The following INPP4B variants were observed in gnomAD, a reference collection of about 807,000 sequenced individuals.
INPP4B encodes the protein inositol polyphosphate 4-phosphatase type II.
In INPP4B, 55 loss-of-function variants were observed where a neutral mutation model predicts 122.5. That is an observed-to-expected ratio of 0.45 (90% CI 0.36 to 0.56). The LOEUF (loss-of-function observed/expected upper bound fraction) is 0.56. Ranked by LOEUF, INPP4B falls within the 20% of genes least tolerant of loss-of-function variation. The pLI is 0.00. For synonymous variants in INPP4B, 403 were observed against 388.7 expected (o/e 1.04, Z -0.43); for missense variants, 1,000 against 1,097.7 (o/e 0.91, Z 1.26).
chr4:142,257,661 T>C (rs1324935309), intron 11 of INPP4B, among the ~76,000 whole-genome samples: 1 of 152,128 alleles, frequency 6.6e-6, no homozygotes, highest in African/African-American at 2.4e-5. Flanking sequence ...ATGTGAAGGA[T>C]TTCTTCAAGG....
At chr4:142,288,327 G>A (rs1034197350) in intron 9 of INPP4B, among the ~76,000 whole-genome samples, 7 of 152,356 alleles carry the variant, frequency 4.6e-5, no homozygotes, top group East Asian at 3.9e-4. Context: ...GCTCACGCCT[G>A]TAATCCCAGC....
rs200327044 is a variant in INPP4B at position 142,270,695 on chromosome 4, C to G, written c.583G>C (p.Asp195His). ...KMGEIEDGEA[D>H]HITTDVQGQK... is the part of the protein sequence containing the mutation. ...CCCTGTACATCTGTGGTGATGTGGT[C>G]GGCTTCCCCATCCTCAATCTCCCCC... Residue 195 changes from aspartate (D) to histidine (H), a missense_variant, in exon 10 of 26, where the codon GAC (aspartate) becomes CAC (histidine). Asp to His is a moderately conservative substitution (Grantham distance 81, BLOSUM62 -1). Transcript: ENST00000262992. 1 of 1,612,504 alleles carries G rather than the reference C, an allele frequency of 6.2e-7. No individual in the cohort carries two copies. Among genetic ancestry groups the G allele is most frequent in the Non-Finnish European group, 8.5e-7 (1 of 1,178,630 alleles).
At chr4:142,799,443 T>C (rs368080650) in intron 1 of INPP4B, among the ~76,000 whole-genome samples, 3 of 152,048 alleles carry the variant, frequency 2.0e-5, no homozygotes. Context: ...ATCTCAATTA[T>C]TTAACATAGC....
chr4:142,123,222 G>C lies in INPP4B; in HGVS notation c.2017+70C>G. The C allele has an allele frequency of 2.3e-6, 3 of 1,309,232 alleles. 1 individual carries two copies. The South Asian group carries it at 5.1e-5, about 22-fold the overall frequency. 81.1% of individuals were successfully genotyped at this position (1,309,232 alleles called of 1,614,324 possible). On this transcript the variant is annotated intron_variant, in intron 20 of 25. Coordinates refer to ENST00000262992, the MANE Select transcript of INPP4B (RefSeq NM_001101669.3). Reference sequence around the variant, plus strand: ...GGTTTACTTATTTTTATGTTTTCTTGAAAAATTTCTGGATTAAATGTCCTT... The same window carrying C: ...GGTTTACTTATTTTTATGTTTTCTTCAAAAATTTCTGGATTAAATGTCCTT...
intron 8 of INPP4B, among the ~76,000 whole-genome samples, chr4:142,312,671 CCTGGAGTCAT>C (rs953993062): frequency 1.3e-5 from 2 of 152,128 alleles, no homozygotes; most frequent in African/African-American, 4.8e-5. Context: ...AAGTGGCTGA[CCTGGAGTCAT>C]GTGCTTGAAT....
chr4:142,529,195 T>C (rs1258765834), intron 2 of INPP4B, among the ~76,000 whole-genome samples: 1 of 152,110 alleles, frequency 6.6e-6, no homozygotes, highest in South Asian at 2.1e-4. Context: ...GTGGATCTGA[T>C]ATAACAATAT....
chr4:142,545,484 A>G (rs1280940237), intron 2 of INPP4B, among the ~76,000 whole-genome samples: 1 of 152,072 alleles, frequency 6.6e-6, no homozygotes, highest in African/African-American at 2.4e-5. Context: ...ACCAATATCT[A>G]TGATAACCAA....
chr4:142,657,754 T>C (rs1478569643), intron 2 of INPP4B, among the ~76,000 whole-genome samples: 1 of 152,218 alleles, frequency 6.6e-6, no homozygotes, highest in African/African-American at 2.4e-5. Flanking sequence ...TTTTTGCTGC[T>C]TTAAAATTTC....
intron 1 of INPP4B, among the ~76,000 whole-genome samples, chr4:142,740,741 T>C (rs912236069): frequency 6.6e-6 from 1 of 151,996 alleles, no homozygotes; most frequent in Non-Finnish European, 1.5e-5. Context: ...TTTGTGACAT[T>C]TCTGGCTTGG....
intron 2 of INPP4B, among the ~76,000 whole-genome samples, chr4:142,649,677 A>G (rs1250115978): frequency 6.6e-6 from 1 of 152,252 alleles, no homozygotes; most frequent in Non-Finnish European, 1.5e-5. Context: ...AAAAGAGTAA[A>G]AAGAAATGAA....
At chr4:142,257,683 C>G (rs76982399) in intron 11 of INPP4B, among the ~76,000 whole-genome samples, 122,733 of 152,104 alleles carry the variant, frequency 0.81, 49,894 homozygotes, top group East Asian at 0.93. Flanking sequence ...GAACTACAAA[C>G]CACTGCTCAA....
chr4:142,133,303 G>A (rs1305116628), intron 18 of INPP4B, among the ~76,000 whole-genome samples: 7 of 152,038 alleles, frequency 4.6e-5, no homozygotes, highest in Non-Finnish European at 1.5e-5. Flanking sequence ...TATGTCTCCT[G>A]AACTCTATTC....
chr4:142,832,045 A>G (rs968654876), intron 1 of INPP4B, among the ~76,000 whole-genome samples: 1 of 152,184 alleles, frequency 6.6e-6, no homozygotes, highest in African/African-American at 2.4e-5. Flanking sequence ...GGAGGGAAAA[A>G]CAATCCAGCA....
intron 7 of INPP4B, among the ~76,000 whole-genome samples, chr4:142,354,236 G>T (rs1782864325): frequency 6.6e-6 from 1 of 151,888 alleles, no homozygotes; most frequent in Non-Finnish European, 1.5e-5. Flanking sequence ...CTTGGGACAT[G>T]GGCTCAGCAA....
chr4:142,417,874 C>A (rs1014463201), intron 5 of INPP4B, among the ~76,000 whole-genome samples: 2 of 152,118 alleles, frequency 1.3e-5, no homozygotes, highest in Non-Finnish European at 2.9e-5. Context: ...AATTTAAGCT[C>A]AAATCTCCTT....
chr4:142,130,670 C>T lies in INPP4B; in HGVS notation c.1721-5910G>A, dbSNP rs180888790. On this transcript the variant is annotated intron_variant, in intron 18 of 25. Transcript: ENST00000262992. ...CAGCCTCAAAGGCCCTAAGGACATT[C>T]ACATAAAGAACAAACATGTATCTTA... Among the ~76,000 whole-genome samples, 11 of 152,276 alleles carry T rather than the reference C, an allele frequency of 7.2e-5. No individual in the cohort carries two copies. The East Asian group carries it at 2.1e-3, about 29-fold the overall frequency.
chr4:142,679,702 G>T (rs545936990), intron 2 of INPP4B, among the ~76,000 whole-genome samples: 10 of 151,840 alleles, frequency 6.6e-5, no homozygotes, highest in Non-Finnish European at 1.2e-4. Context: ...TCTATAAGAT[G>T]AAAAGTTGAC....
intron 11 of INPP4B, among the ~76,000 whole-genome samples, chr4:142,251,397 T>C (rs1174210436): frequency 6.6e-6 from 1 of 152,210 alleles, no homozygotes; most frequent in African/African-American, 2.4e-5. Flanking sequence ...ATGAACATAT[T>C]AAAGTAAATA....
At chr4:142,447,608 T>C (rs1053269230) in intron 3 of INPP4B, among the ~76,000 whole-genome samples, 6 of 151,916 alleles carry the variant, frequency 3.9e-5, no homozygotes, top group African/African-American at 1.5e-4. Flanking sequence ...TGCATGAAAA[T>C]TGAAATCACC....
Sources: allele counts gnomAD v4.1 joint callset (sites outside exome capture counted in the v4.1 genomes callset), GRCh38; gene constraint gnomAD v4.1.1; transcripts MANE v1.5; gene names NCBI Gene and HGNC (gene_info 2026-07-23, HGNC 2026-07-21).